Variants in GALNT13 observed in about 807,000 individuals in gnomAD.
The protein encoded by GALNT13 is polypeptide N-acetylgalactosaminyltransferase 13, also known as UDP-GalNAc:polypeptide N-acetylgalactosaminyltransferase 13.
In GALNT13, 28 loss-of-function variants were observed where a neutral mutation model predicts 64.2. That is an observed-to-expected ratio of 0.44 (90% CI 0.32 to 0.60). The LOEUF (loss-of-function observed/expected upper bound fraction) is 0.60, where lower values mean the gene tolerates loss of function less well. GALNT13 is among the 20% of genes least tolerant of loss of function. The pLI, the probability that GALNT13 is intolerant of heterozygous loss-of-function variation, is 0.05. For missense variants in GALNT13, 577 were observed against 669.8 expected, an observed-to-expected ratio of 0.86 and a Z score of 1.53; for synonymous variants, 214 against 224.6, an observed-to-expected ratio of 0.95 and a Z score of 0.42.
At chr2:153,154,020 A>G in the GALNT13 span, among the ~76,000 whole-genome samples, 1 of 152,076 alleles carries the variant, frequency 6.6e-6, no homozygotes. Context: ...GATTATTCCT[A>G]TCCAAGAGCA....
chr2:153,089,876 C>T, the GALNT13 span, among the ~76,000 whole-genome samples: 1 of 151,788 alleles, frequency 6.6e-6, no homozygotes, highest in South Asian at 2.1e-4. Context: ...CGGTTTTTAC[C>T]TTTCCCTGCT....
At chr2:153,078,380 C>G in the GALNT13 span, among the ~76,000 whole-genome samples, 309 of 148,942 alleles carry the variant, frequency 2.1e-3, no homozygotes, top group African/African-American at 6.5e-3. Context: ...GGCGGAATCT[C>G]AGCTCACTGC....
chr2:153,725,757 A>T, the GALNT13 span, among the ~76,000 whole-genome samples: 4 of 152,152 alleles, frequency 2.6e-5, no homozygotes, highest in Admixed American at 1.3e-4. Flanking sequence ...TTGAAACTTT[A>T]ATTGGCATTC....
chr2:154,226,074 T>G (rs1242732298), intron 4 of GALNT13, among the ~76,000 whole-genome samples: 2 of 152,190 alleles, frequency 1.3e-5, no homozygotes, highest in South Asian at 2.1e-4. Flanking sequence ...GTTCTGTTTA[T>G]TATGACCCAC....
At chr2:154,005,839 AAC>A (rs1486330024) in intron 3 of GALNT13, among the ~76,000 whole-genome samples, 1 of 152,182 alleles carries the variant, frequency 6.6e-6, no homozygotes, top group Non-Finnish European at 1.5e-5. Flanking sequence ...TTCTAAGTAT[AAC>A]AGTCAGAGAT....
At chr2:153,230,646 A>G in the GALNT13 span, among the ~76,000 whole-genome samples, 9 of 152,236 alleles carry the variant, frequency 5.9e-5, no homozygotes, top group African/African-American at 1.4e-4. Flanking sequence ...AATGATTACA[A>G]CTCACAATTT....
the GALNT13 span, among the ~76,000 whole-genome samples, chr2:153,849,085 A>G: frequency 6.6e-6 from 1 of 152,146 alleles, no homozygotes; most frequent in Non-Finnish European, 1.5e-5. Context: ...ATGGAAGGAT[A>G]CTACATTAAG....
chr2:153,775,113 T>A, the GALNT13 span, among the ~76,000 whole-genome samples: 1 of 152,196 alleles, frequency 6.6e-6, no homozygotes, highest in African/African-American at 2.4e-5. Flanking sequence ...TTTCCTTTTT[T>A]AAGAATAAGT....
At chr2:153,902,707 G>A (rs1443870462) in intron 2 of GALNT13, among the ~76,000 whole-genome samples, 1 of 152,056 alleles carries the variant, frequency 6.6e-6, no homozygotes, top group Non-Finnish European at 1.5e-5. Context: ...AACAGGTTCA[G>A]GGAGTAATAG....
chr2:153,952,072 C>T (rs1558871336), intron 3 of GALNT13, among the ~76,000 whole-genome samples: 1 of 152,066 alleles, frequency 6.6e-6, no homozygotes, highest in Non-Finnish European at 1.5e-5. Context: ...CACTCTGATG[C>T]CACCTGGAAT....
In GALNT13 at chr2:153,872,629, G is replaced by GT. The variant is rs1226886344; in HGVS notation, c.-177+326_-177+327insT. Among the ~76,000 whole-genome samples the GT allele has an allele frequency of 2.4e-4, 16 of 65,440 alleles. 1 individual carries two copies. Among genetic ancestry groups the GT allele is most frequent in the African/African-American group, 7.3e-4 (15 of 20,570 alleles). The allele number at this position is 65,440 out of a possible 152,430, so 42.9% of individuals were successfully genotyped here. A position where few individuals can be genotyped will look rare whatever the true frequency, so the allele number is the denominator to read the frequency against. On this transcript the variant is annotated intron_variant, in intron 1 of 12. Transcript: ENST00000392825. ...GTGAGTTGTTGGTGGCGGGGGGGGG[G>GT]GGGGGAGCGGCTCTGGCCCCCTCTG...
downstream of GALNT13, among the ~76,000 whole-genome samples, chr2:154,454,065 A>G (rs574485047): frequency 6.6e-6 from 1 of 152,150 alleles, no homozygotes; most frequent in Non-Finnish European, 1.5e-5. Context: ...TGACTTTCAG[A>G]GGAGAGATAT....
chr2:153,915,244 G>A (rs1454284460), intron 2 of GALNT13, among the ~76,000 whole-genome samples: 5 of 152,078 alleles, frequency 3.3e-5, no homozygotes, highest in African/African-American at 1.2e-4. Context: ...ACCCTAAAAG[G>A]CTAAATTTTG....
At chr2:153,742,957 G>A in the GALNT13 span, among the ~76,000 whole-genome samples, 1 of 138,784 alleles carries the variant, frequency 7.2e-6, no homozygotes, top group Admixed American at 7.2e-5. Flanking sequence ...GGTGAGAGGA[G>A]CGGAGGGGAG....
At chr2:153,797,155 A>G in the GALNT13 span, among the ~76,000 whole-genome samples, 1 of 152,238 alleles carries the variant, frequency 6.6e-6, no homozygotes, top group Admixed American at 6.5e-5. Context: ...GTAGAAGACA[A>G]GTAAATAACA....
chr2:154,271,646 A>G (rs1272250754), intron 8 of GALNT13, among the ~76,000 whole-genome samples: 2 of 151,924 alleles, frequency 1.3e-5, no homozygotes, highest in African/African-American at 2.4e-5. Flanking sequence ...TCTCTGGAGA[A>G]TTGTAAGCAT....
chr2:153,503,352 A>T, the GALNT13 span, among the ~76,000 whole-genome samples: 1 of 151,652 alleles, frequency 6.6e-6, no homozygotes, highest in Non-Finnish European at 1.5e-5. Context: ...TCCCCACTTA[A>T]TGTTTTTGTT....
chr2:154,434,817 A>G (rs1269822035), intron 11 of GALNT13, among the ~76,000 whole-genome samples: 1 of 152,202 alleles, frequency 6.6e-6, no homozygotes, highest in African/African-American at 2.4e-5. Context: ...AGAGCTCTAC[A>G]TGTTACATTT....
At chr2:153,493,279 G>C in the GALNT13 span, among the ~76,000 whole-genome samples, 3 of 152,016 alleles carry the variant, frequency 2.0e-5, no homozygotes, top group Admixed American at 1.3e-4. Context: ...GATGATCACT[G>C]TTTCACAGAG....
Sources: gnomAD v4.1 joint callset for allele counts (sites outside exome capture counted in the v4.1 genomes callset) on GRCh38, gnomAD v4.1.1 for gene constraint, MANE v1.5 for transcripts, NCBI Gene and HGNC (gene_info 2026-07-23, HGNC 2026-07-21) for gene names.